Variants in RETREG3 observed in about 807,000 individuals in gnomAD.
RETREG3 encodes reticulophagy regulator family member 3, also known as reticulophagy regulator 3.
In RETREG3, 23 loss-of-function variants were observed where a neutral mutation model predicts 50.2. The ratio of observed to expected loss-of-function variants is 0.46; its 90% CI spans 0.33 to 0.65. RETREG3 has a LOEUF of 0.65. Ranked by LOEUF, RETREG3 falls within the 30% of genes least tolerant of loss-of-function variation. The probability of loss-of-function intolerance (pLI) is 0.02; values close to 1 mark genes in which losing one functional copy is unlikely to be tolerated. For synonymous variants in RETREG3, 240 were observed against 234.4 expected, an observed-to-expected ratio of 1.02 and a Z score of -0.22; for missense variants, 546 against 598.0, an observed-to-expected ratio of 0.91 and a Z score of 0.91.
chr17:42,585,204 A>G lies in RETREG3; in HGVS notation c.648T>C (p.Tyr216=). 1.9e-6 allele frequency: 3 copies of G among 1,614,048 alleles called. No individual in the cohort carries two copies. Among genetic ancestry groups the G allele is most frequent in the South Asian group, 1.1e-5 (1 of 91,090 alleles). Residue 216 remains tyrosine (Y), a synonymous_variant, in exon 6 of 9, where the codon TAT becomes TAC. Transcript: ENST00000309428. The stretch of plus-strand genomic sequence containing the variant: ...GCTGCAGAGCTGGCTTCAGCCGCAC[A>G]TATGCTCGATCCCACAGTCGGTGGT... ...AVYHRLWDRA[Y]VRLKPALQRL...
In RETREG3 at chr17:42,607,131, A is replaced by G. The variant is rs915394956; in HGVS notation, c.239+1955T>C. On this transcript the variant is annotated intron_variant, in intron 1 of 8. Transcript: ENST00000309428. ...ACTGTGGGAAATGTTTTGACTGGATAAAACACTCTTCAGTGAGGTGCTATA... is the reference window on the plus strand; with the variant it reads ...ACTGTGGGAAATGTTTTGACTGGATGAAACACTCTTCAGTGAGGTGCTATA... Among the ~76,000 whole-genome samples, 4 of 152,190 alleles carry G rather than the reference A, an allele frequency of 2.6e-5. No individual in the cohort carries two copies. The East Asian group carries it at 7.7e-4, about 29-fold the overall frequency.
intron 2 of RETREG3, 47 bp downstream of exon 2, chr17:42,592,009 G>A: frequency 1.3e-6 from 2 of 1,493,742 alleles, no homozygotes; most frequent in Non-Finnish European, 9.3e-7. Flanking sequence ...CAAATTATAG[G>A]AAAGGCCATC....
intron 1 of RETREG3, 142 bp from the exon 2 acceptor site, chr17:42,592,304 C>T: frequency 4.9e-6 from 3 of 611,988 alleles, no homozygotes; most frequent in Non-Finnish European, 5.7e-6. Flanking sequence ...AGTTATACAC[C>T]TAGGGTAAAT....
chr17:42,584,104 G>A (rs903602486), intron 6 of RETREG3, among the ~76,000 whole-genome samples: 3 of 152,122 alleles, frequency 2.0e-5, no homozygotes, highest in African/African-American at 7.2e-5. Flanking sequence ...CACTGCGCCC[G>A]GCCTGGCACA....
chr17:42,605,198 G>A (rs1415702821), intron 1 of RETREG3: 2 of 148,890 alleles, frequency 1.3e-5, no homozygotes, highest in African/African-American at 2.5e-5. Context: ...TCACAGTTAC[G>A]GCAAAATATG....
chr17:42,586,308 C>T, intron 4 of RETREG3, 171 bp from the exon 5 acceptor site: 1 of 621,454 alleles, frequency 1.6e-6, no homozygotes, highest in Non-Finnish European at 2.8e-6. Context: ...AGCATGTCCC[C>T]TTCTATTCAA....
chr17:42,604,876 T>C (rs1293176523), intron 1 of RETREG3, among the ~76,000 whole-genome samples: 2 of 152,108 alleles, frequency 1.3e-5, no homozygotes, highest in South Asian at 2.1e-4. Context: ...TGTTCTTTTC[T>C]GATCCTGTCA....
chr17:42,601,628 CTT>C (rs750926453), intron 1 of RETREG3, among the ~76,000 whole-genome samples: 1 of 79,812 alleles, frequency 1.3e-5, no homozygotes, highest in Non-Finnish European at 2.2e-5. Context: ...AAGGTTCCAA[CTT>C]TTTTTTTTTT....
intron 1 of RETREG3, among the ~76,000 whole-genome samples, chr17:42,594,809 C>T (rs1226657083): frequency 6.6e-6 from 1 of 151,652 alleles, no homozygotes; most frequent in Non-Finnish European, 1.5e-5. Context: ...TGAGATTGCG[C>T]TACTGCACTC....
chr17:42,588,763 T>C (rs1451177051), intron 2 of RETREG3, among the ~76,000 whole-genome samples: 1 of 151,796 alleles, frequency 6.6e-6, no homozygotes, highest in Non-Finnish European at 1.5e-5. Flanking sequence ...GTTCAAGCAA[T>C]TCTCCTGCCT....
intron 6 of RETREG3, among the ~76,000 whole-genome samples, 165 bp from the exon 7 acceptor site, chr17:42,583,745 G>C (rs2093115263): frequency 6.6e-6 from 1 of 152,160 alleles, no homozygotes; most frequent in Admixed American, 6.5e-5. Context: ...CTAAATGCAA[G>C]GTGAGTTGAA....
Position 42,582,242 on chromosome 17 carries a change from T to C in RETREG3, c.972A>G (p.Glu324=). ...AGTCTGGAAGGTCTCTGGCAAAGGATTCCTCTGGATCACTGTGACCATCTA... is the reference window on the plus strand; with the variant it reads ...AGTCTGGAAGGTCTCTGGCAAAGGACTCCTCTGGATCACTGTGACCATCTA... ...EDLDGHSDPE[E]SFARDLPDFP... Residue 324 remains glutamate (E), a synonymous_variant, in exon 9 of 9, where the codon GAA becomes GAG. Coordinates refer to ENST00000309428, the MANE Select transcript of RETREG3 (RefSeq NM_178126.4). 6.2e-7 allele frequency: 1 copy of C among 1,608,684 alleles called. No homozygotes were observed. Among genetic ancestry groups the C allele is most frequent in the Non-Finnish European group, 8.5e-7 (1 of 1,179,876 alleles).
At chr17:42,585,962 A>G (rs973550943) in intron 5 of RETREG3, 91 bp downstream of exon 5, 21 of 1,176,342 alleles carry the variant, frequency 1.8e-5, no homozygotes, top group South Asian at 6.3e-5. Context: ...GAATTGAAAT[A>G]TAACAGTCCT....
chr17:42,587,255 C>G (rs957319312), intron 3 of RETREG3, among the ~76,000 whole-genome samples: 1 of 152,162 alleles, frequency 6.6e-6, no homozygotes. Context: ...CTGACTGACA[C>G]CACTGCTGCT....
chr17:42,584,196 G>T (rs1403316818), intron 6 of RETREG3, among the ~76,000 whole-genome samples: 2 of 152,146 alleles, frequency 1.3e-5, no homozygotes, highest in Non-Finnish European at 2.9e-5. Flanking sequence ...TAATGTCAAG[G>T]TGTTAAGTGG....
chr17:42,595,132 A>AT (rs1241520469), intron 1 of RETREG3, among the ~76,000 whole-genome samples: 3 of 147,090 alleles, frequency 2.0e-5, no homozygotes, highest in Non-Finnish European at 3.0e-5. Context: ...CGTCCAGCTA[A>AT]TTTTTTTTGT....
chr17:42,600,124 T>C (rs2093155867), intron 1 of RETREG3, among the ~76,000 whole-genome samples: 1 of 151,712 alleles, frequency 6.6e-6, no homozygotes, highest in African/African-American at 2.4e-5. Context: ...ACCTAAAGCC[T>C]GTAATCCCAA....
chr17:42,604,701 A>G (rs1291686261), intron 1 of RETREG3, among the ~76,000 whole-genome samples: 2 of 151,378 alleles, frequency 1.3e-5, no homozygotes, highest in Non-Finnish European at 3.0e-5. Flanking sequence ...CAGCAAAAAA[A>G]AAAAAAAAAA....
In RETREG3 at chr17:42,581,719, G is replaced by A; in HGVS notation, c.*94C>T. On this transcript the variant is annotated 3_prime_UTR_variant, in exon 9 of 9. Coordinates refer to ENST00000309428, the MANE Select transcript of RETREG3 (RefSeq NM_178126.4). ...CCCAGCATACAAATATAATTCAGGG[G>A]AGGGGAGCTGAGTTCTTCCCTTGCC... The A allele has an allele frequency of 8.7e-7, 1 of 1,147,490 alleles. No individual in the cohort carries two copies. Among genetic ancestry groups the A allele is most frequent in the Non-Finnish European group, 1.2e-6 (1 of 828,490 alleles). 71.1% of individuals were successfully genotyped at this position (1,147,490 alleles called of 1,614,324 possible).
Sources: gnomAD v4.1 joint callset for allele counts (sites outside exome capture counted in the v4.1 genomes callset) on GRCh38, gnomAD v4.1.1 for gene constraint, MANE v1.5 for transcripts, NCBI Gene and HGNC (gene_info 2026-07-23, HGNC 2026-07-21) for gene names.